FTCDNL1: variants seen among roughly 807,000 people sequenced by gnomAD.
The protein encoded by FTCDNL1 is formiminotransferase N-terminal subdomain-containing protein.
Under a neutral mutation model 5.9 loss-of-function variants are expected in FTCDNL1, and 11 were observed. That is an observed-to-expected ratio of 1.87 (90% CI 1.18 to 3.10). The LOEUF is 3.10. Ranked by LOEUF, FTCDNL1 falls within the 30% of genes most tolerant of loss-of-function variation. The pLI is 0.00. For missense variants in FTCDNL1, 115 were observed against 65.5 expected, an observed-to-expected ratio of 1.76 and a Z score of -2.61; for synonymous variants, 58 against 24.8, an observed-to-expected ratio of 2.34 and a Z score of -3.99.
At chr2:199,674,653 G>A in the FTCDNL1 span, among the ~76,000 whole-genome samples, 1 of 152,112 alleles carries the variant, frequency 6.6e-6, no homozygotes, top group South Asian at 2.1e-4. Flanking sequence ...CATTTAGCCT[G>A]TCTTAGCAAC....
At chr2:199,705,390 A>T in the FTCDNL1 span, among the ~76,000 whole-genome samples, 1 of 151,946 alleles carries the variant, frequency 6.6e-6, no homozygotes, top group Admixed American at 6.6e-5. Flanking sequence ...TGTAAATTAT[A>T]TTTTTCTTCA....
At chr2:199,850,582 CTG>C (rs1266481540) in intron 1 of FTCDNL1, among the ~76,000 whole-genome samples, 156 bp downstream of exon 1, 6 of 152,232 alleles carry the variant, frequency 3.9e-5, no homozygotes, top group Non-Finnish European at 8.8e-5. Flanking sequence ...CCAAAACACT[CTG>C]TGTTTGGGAC....
chr2:199,671,364 T>G, the FTCDNL1 span, among the ~76,000 whole-genome samples: 678 of 151,850 alleles, frequency 4.5e-3, 7 homozygotes, highest in African/African-American at 0.016. Flanking sequence ...CATATGCTTA[T>G]GATGGGAGGG....
intron 3 of FTCDNL1, among the ~76,000 whole-genome samples, chr2:199,787,363 T>C (rs1250021129): frequency 1.3e-5 from 2 of 152,060 alleles, no homozygotes; most frequent in Non-Finnish European, 2.9e-5. Context: ...CTTGTATTTT[T>C]AGTAGAGACG....
At chr2:199,757,362 T>C (rs938195656), downstream of FTCDNL1, among the ~76,000 whole-genome samples, 3 of 152,172 alleles carry the variant, frequency 2.0e-5, no homozygotes, top group Non-Finnish European at 2.9e-5. Context: ...GATTAGGAGC[T>C]GGGGAAACCC....
chr2:199,673,533 G>A, the FTCDNL1 span, among the ~76,000 whole-genome samples: 7 of 151,876 alleles, frequency 4.6e-5, no homozygotes, highest in Non-Finnish European at 8.8e-5. Flanking sequence ...GGCAAATTTT[G>A]TTTTGCACCT....
chr2:199,726,678 T>TCTGCTG, the FTCDNL1 span, among the ~76,000 whole-genome samples: 1 of 152,180 alleles, frequency 6.6e-6, no homozygotes, highest in Admixed American at 6.5e-5. Flanking sequence ...GCTGCTGTGG[T>TCTGCTG]CTGCTGGTGG....
chr2:199,803,191 C>CAAA lies in FTCDNL1; in HGVS notation c.212-42359_212-42357dup, dbSNP rs71403491. Among the ~76,000 whole-genome samples the CAAA allele has an allele frequency of 1.3e-3, 92 of 69,602 alleles. 1 individual carries two copies. Among genetic ancestry groups the CAAA allele is most frequent in the East Asian group, 1.9e-3 (5 of 2,590 alleles). 45.7% of individuals were successfully genotyped at this position (69,602 alleles called of 152,430 possible). A position where few individuals can be genotyped will look rare whatever the true frequency, so the allele number is the denominator to read the frequency against. On this transcript the variant is annotated intron_variant, in intron 3 of 3. Transcript: ENST00000416668. ...CCTGGGTGATGGAGGAATACCGTCT[C>CAAA]AAAAAAAAAAAAAAAAAAAAAGACC...
rs1223264290 is a variant in FTCDNL1 at position 199,811,897 on chromosome 2, C to T, written c.*808G>A. On this transcript the variant is annotated 3_prime_UTR_variant, in exon 5 of 5. Transcript: ENST00000420128. ...TTCAATAAAGAACATGACACGTACA[C>T]TGTTCAGTGTCCCAACAGCGACTTA... Among the ~76,000 whole-genome samples the T allele has an allele frequency of 3.3e-5, 5 of 152,220 alleles. No homozygotes were observed. The highest frequency in any genetic ancestry group is 4.4e-5 in the Non-Finnish European group (3 of 68,040).
intron 3 of FTCDNL1, among the ~76,000 whole-genome samples, chr2:199,794,167 G>A (rs1700066919): frequency 6.6e-6 from 1 of 152,116 alleles, no homozygotes; most frequent in Non-Finnish European, 1.5e-5. Context: ...CTATCTATTT[G>A]AGTACACACT....
At chr2:199,753,769 T>C in the FTCDNL1 span, among the ~76,000 whole-genome samples, 1 of 152,122 alleles carries the variant, frequency 6.6e-6, no homozygotes, top group Non-Finnish European at 1.5e-5. Context: ...AAGAGGTAGG[T>C]CAGAGAGAAA....
At chr2:199,767,693 G>A (rs1189432938) in intron 3 of FTCDNL1, among the ~76,000 whole-genome samples, 1 of 152,134 alleles carries the variant, frequency 6.6e-6, no homozygotes, top group African/African-American at 2.4e-5. Context: ...TGAGAACATA[G>A]CATCTGTCAC....
rs562591281 is a variant in FTCDNL1, at chr2:199,843,969, AG to A, written c.211+2105del. 1.4e-4 allele frequency among the ~76,000 whole-genome samples: 22 copies of A among 152,014 alleles called. No individual in the cohort carries two copies. The South Asian group carries it at 3.5e-3, about 24-fold the overall frequency. On this transcript the variant is annotated intron_variant, in intron 3 of 4. Transcript: ENST00000420128. ...GAAAAAAGGAAAAAAAAAAAGTCAA[AG>A]GAAAAAGGGGTAAGAGTTAACATTT...
rs202113718 is a variant in FTCDNL1 at position 199,765,532 on chromosome 2, T to A, written c.212-4697A>T. Among the ~76,000 whole-genome samples the A allele has an allele frequency of 1.6e-3, 131 of 79,674 alleles. 6 individuals carry two copies. The East Asian group carries it at 0.02, about 12-fold the overall frequency. 52.3% of individuals were successfully genotyped at this position (79,674 alleles called of 152,430 possible). On this transcript the variant is annotated intron_variant, in intron 3 of 3. Coordinates refer to the FTCDNL1 transcript ENST00000416668. ...ACGTGGCATCTCTTTTTTGTCTTCA[T>A]TATATATATATATATATATATATAT... is the stretch of plus-strand genomic sequence containing the variant.
At chr2:199,730,050 C>G in the FTCDNL1 span, among the ~76,000 whole-genome samples, 1 of 152,190 alleles carries the variant, frequency 6.6e-6, no homozygotes, top group Non-Finnish European at 1.5e-5. Context: ...TAACACCACA[C>G]ATCCACAACC....
At chr2:199,667,705 T>C in the FTCDNL1 span, among the ~76,000 whole-genome samples, 13 of 152,174 alleles carry the variant, frequency 8.5e-5, no homozygotes, top group Non-Finnish European at 1.8e-4. Context: ...GGTTCAGATG[T>C]GGGTTCTTCC....
At chr2:199,683,933 G>A in the FTCDNL1 span, among the ~76,000 whole-genome samples, 5 of 152,290 alleles carry the variant, frequency 3.3e-5, no homozygotes, top group South Asian at 2.1e-4. Flanking sequence ...TTCATTAATC[G>A]GCTGTCTGTT....
At chr2:199,747,893 C>T in the FTCDNL1 span, among the ~76,000 whole-genome samples, 1 of 151,984 alleles carries the variant, frequency 6.6e-6, no homozygotes, top group Admixed American at 6.6e-5. Context: ...TTCCCAAGAC[C>T]CTTCTTGGCC....
the FTCDNL1 span, among the ~76,000 whole-genome samples, chr2:199,672,831 C>T: frequency 6.6e-6 from 1 of 152,206 alleles, no homozygotes; most frequent in South Asian, 2.1e-4. Flanking sequence ...TGCATCTCTG[C>T]TCCTAACCCA....
Sources: allele counts gnomAD v4.1 joint callset (sites outside exome capture counted in the v4.1 genomes callset), GRCh38; gene constraint gnomAD v4.1.1; transcripts MANE v1.5; gene names NCBI Gene and HGNC (gene_info 2026-07-23, HGNC 2026-07-21).